The following NRXN3 variants were observed in gnomAD, a reference collection of about 807,000 sequenced individuals.
The protein encoded by NRXN3 is neurexin III.
In NRXN3, 32 loss-of-function variants were observed where a neutral mutation model predicts 137.6. The observed-to-expected ratio is 0.23, with a 90% CI of 0.18 to 0.31. The LOEUF is 0.31. NRXN3 is among the 10% of genes least tolerant of loss of function. The pLI, the probability that NRXN3 is intolerant of heterozygous loss-of-function variation, is 1.00. For missense variants in NRXN3, 1,574 were observed against 2,062.5 expected, an observed-to-expected ratio of 0.76 and a Z score of 4.59; for synonymous variants, 798 against 784.5, an observed-to-expected ratio of 1.02 and a Z score of -0.29.
intron 20 of NRXN3, among the ~76,000 whole-genome samples, chr14:79,813,425 G>A (rs183905729): frequency 2.0e-4 from 31 of 151,880 alleles, no homozygotes; most frequent in African/African-American, 7.2e-4. Flanking sequence ...AATTTTTGGT[G>A]GTTCAATTTA....
At chr14:78,561,520 G>C (rs1018317210) in intron 4 of NRXN3, among the ~76,000 whole-genome samples, 4 of 152,154 alleles carry the variant, frequency 2.6e-5, no homozygotes, top group African/African-American at 4.8e-5. Flanking sequence ...AAATTATACA[G>C]CTTGGAAGTC....
chr14:78,504,630 C>T (rs942157476), intron 4 of NRXN3, among the ~76,000 whole-genome samples: 1 of 152,188 alleles, frequency 6.6e-6, no homozygotes, highest in Non-Finnish European at 1.5e-5. Flanking sequence ...TATGGAGAAA[C>T]ATTTCCTGGG....
chr14:79,013,315 G>A (rs572262343), intron 15 of NRXN3, among the ~76,000 whole-genome samples: 3 of 152,106 alleles, frequency 2.0e-5, no homozygotes, highest in Non-Finnish European at 4.4e-5. Flanking sequence ...TATTCTATGT[G>A]TATCTATCTC....
intron 4 of NRXN3, among the ~76,000 whole-genome samples, chr14:78,456,595 T>C (rs1393465586): frequency 4.6e-5 from 7 of 152,150 alleles, no homozygotes; most frequent in Non-Finnish European, 1.0e-4. Flanking sequence ...CATCCGGCTT[T>C]CTCTTACCTT....
chr14:78,935,045 G>A (rs150775), intron 10 of NRXN3, among the ~76,000 whole-genome samples: 1 of 151,966 alleles, frequency 6.6e-6, no homozygotes, highest in African/African-American at 2.4e-5. Context: ...TGGGCCTACG[G>A]TTATGGCTCC....
intron 2 of NRXN3, among the ~76,000 whole-genome samples, chr14:78,249,744 A>C (rs1157329251): frequency 6.6e-6 from 1 of 152,110 alleles, no homozygotes; most frequent in African/African-American, 2.4e-5. Flanking sequence ...TCATTGGCTC[A>C]TCTATTTCTC....
At chr14:79,241,363 G>T (rs1206559073) in intron 15 of NRXN3, among the ~76,000 whole-genome samples, 1 of 152,164 alleles carries the variant, frequency 6.6e-6, no homozygotes, top group African/African-American at 2.4e-5. Context: ...ACTTATAAAG[G>T]AAAGAGGTCC....
At chr14:79,185,516 AGT>A (rs1242923636) in intron 15 of NRXN3, among the ~76,000 whole-genome samples, 1 of 147,104 alleles carries the variant, frequency 6.8e-6, no homozygotes, top group African/African-American at 2.5e-5. Flanking sequence ...CCCAGGCTGG[AGT>A]GCAGTGGCAC....
At chr14:79,145,504 G>A (rs138153277) in intron 15 of NRXN3, among the ~76,000 whole-genome samples, 2 of 152,100 alleles carry the variant, frequency 1.3e-5, no homozygotes, top group African/African-American at 4.8e-5. Context: ...GAAGTACTGT[G>A]GAGAGTATTT....
intron 4 of NRXN3, among the ~76,000 whole-genome samples, chr14:78,368,910 C>T (rs1279883282): frequency 2.0e-5 from 3 of 152,104 alleles, no homozygotes; most frequent in East Asian, 1.9e-4. Context: ...GCAGGGTTGC[C>T]GAGTGAACAC....
intron 4 of NRXN3, among the ~76,000 whole-genome samples, chr14:78,373,911 GAAT>G (rs1423807757): frequency 6.6e-6 from 1 of 152,196 alleles, no homozygotes; most frequent in Non-Finnish European, 1.5e-5. Flanking sequence ...TGAGCTACCA[GAAT>G]AATATTTGCC....
intron 15 of NRXN3, among the ~76,000 whole-genome samples, chr14:79,447,858 A>G (rs1385954950): frequency 2.0e-5 from 3 of 152,198 alleles, no homozygotes; most frequent in Non-Finnish European, 2.9e-5. Context: ...GTTTCTGGCT[A>G]AATATCCTGA....
At chr14:78,695,433 A>C (rs576266455) in intron 6 of NRXN3, 1 of 152,156 alleles carries the variant, frequency 6.6e-6, no homozygotes, top group East Asian at 1.9e-4. Context: ...TTACAGACAT[A>C]TTTCAGGAGT....
intron 15 of NRXN3, among the ~76,000 whole-genome samples, chr14:79,239,337 A>G (rs1327085358): frequency 2.0e-5 from 3 of 152,170 alleles, no homozygotes; most frequent in Non-Finnish European, 4.4e-5. Flanking sequence ...ACTACTGTAC[A>G]TAAAGAAATA....
chr14:79,799,344 G>A (rs2099170052), intron 19 of NRXN3, among the ~76,000 whole-genome samples: 1 of 152,116 alleles, frequency 6.6e-6, no homozygotes, highest in African/African-American at 2.4e-5. Context: ...GCAAGTTAAG[G>A]TGCTTAATAT....
At chr14:78,383,136 G>T (rs1299381002) in intron 4 of NRXN3, among the ~76,000 whole-genome samples, 1 of 152,140 alleles carries the variant, frequency 6.6e-6, no homozygotes, top group Non-Finnish European at 1.5e-5. Flanking sequence ...TGAATCAGGG[G>T]CTGGGCTCTT....
chr14:78,187,119 G>A (rs893747660), intron 1 of NRXN3, among the ~76,000 whole-genome samples: 6 of 152,270 alleles, frequency 3.9e-5, no homozygotes, highest in African/African-American at 7.2e-5. Context: ...TGTTCAGATC[G>A]TCATGAAGCC....
intron 19 of NRXN3, among the ~76,000 whole-genome samples, chr14:79,773,505 A>T (rs1425448381): frequency 2.0e-5 from 3 of 152,006 alleles, no homozygotes; most frequent in South Asian, 4.2e-4. Flanking sequence ...GGAAATCATC[A>T]TTCTCAGTAA....
At chr14:78,875,939 G>A (rs1483288757) in intron 10 of NRXN3, among the ~76,000 whole-genome samples, 1 of 152,194 alleles carries the variant, frequency 6.6e-6, no homozygotes, top group Non-Finnish European at 1.5e-5. Flanking sequence ...TTTTGAGGAT[G>A]AGGAAATTTA....
Sources: gnomAD v4.1 joint callset for allele counts (sites outside exome capture counted in the v4.1 genomes callset) on GRCh38, gnomAD v4.1.1 for gene constraint, MANE v1.5 for transcripts, NCBI Gene and HGNC (gene_info 2026-07-23, HGNC 2026-07-21) for gene names.